Variants in TSHZ3 observed in about 807,000 individuals in gnomAD.
TSHZ3 encodes teashirt zinc finger homeobox 3.
Under a neutral mutation model 64.5 loss-of-function variants are expected in TSHZ3, and 10 were observed. That is an observed-to-expected ratio of 0.16 (90% CI 0.10 to 0.26). The LOEUF is 0.26. TSHZ3 is among the 10% of genes least tolerant of loss of function. The probability of loss-of-function intolerance (pLI) is 1.00; values close to 1 mark genes in which losing one functional copy is unlikely to be tolerated. For missense variants in TSHZ3, 1,242 were observed against 1,421.7 expected (o/e 0.87, Z 2.03); for synonymous variants, 608 against 593.1 (o/e 1.03, Z -0.36).
At chr19:31,160,873 A>G (rs915331944) in intron 5 of TSHZ3, among the ~76,000 whole-genome samples, 1 of 152,106 alleles carries the variant, frequency 6.6e-6, no homozygotes, top group African/African-American at 2.4e-5. Flanking sequence ...TGTATGTCCA[A>G]ATGAATATAT....
chr19:31,330,928 G>A (rs886744506), intron 1 of TSHZ3, among the ~76,000 whole-genome samples: 1 of 152,092 alleles, frequency 6.6e-6, no homozygotes, highest in Non-Finnish European at 1.5e-5. Flanking sequence ...CCACAGGCAC[G>A]GGCATGTCCC....
chr19:31,156,480 G>A (rs1011031537), intron 5 of TSHZ3, among the ~76,000 whole-genome samples: 2 of 152,144 alleles, frequency 1.3e-5, no homozygotes, highest in African/African-American at 4.8e-5. Context: ...GTTTTTGTCG[G>A]TCGGGAGCAG....
intron 1 of TSHZ3, among the ~76,000 whole-genome samples, chr19:31,319,894 G>A (rs12460841): frequency 0.41 from 62,351 of 150,930 alleles, 12,902 homozygotes; most frequent in East Asian, 0.48. Flanking sequence ...CCCTGAGAAA[G>A]TAGCAATCGG....
chr19:31,177,607 G>C (rs955581676), intron 5 of TSHZ3, among the ~76,000 whole-genome samples: 1 of 152,222 alleles, frequency 6.6e-6, no homozygotes, highest in Admixed American at 6.5e-5. Context: ...GAAATTCCAC[G>C]ATGAGCTCCT....
chr19:31,167,201 A>G (rs1974466655), intron 5 of TSHZ3, among the ~76,000 whole-genome samples: 5 of 152,244 alleles, frequency 3.3e-5, no homozygotes, highest in Admixed American at 3.3e-4. Flanking sequence ...GGTTCTGCTA[A>G]AGTAATTTAA....
intron 1 of TSHZ3, among the ~76,000 whole-genome samples, chr19:31,258,024 G>A (rs1162291774): frequency 6.6e-6 from 1 of 152,162 alleles, no homozygotes; most frequent in Admixed American, 6.5e-5. Context: ...CCAGTTAAGG[G>A]GGTGAGACTG....
chr19:31,314,099 C>A (rs1425855375), intron 1 of TSHZ3, among the ~76,000 whole-genome samples: 3 of 152,134 alleles, frequency 2.0e-5, no homozygotes, highest in African/African-American at 7.2e-5. Flanking sequence ...TTGGAAGATG[C>A]TTGGTGGATG....
rs775740160 is a variant in TSHZ3 at position 31,277,167 on chromosome 19, C to T, written c.2626G>A (p.Gly876Arg). ...SSISEKSDID[G>R]ATLEEAEEST... is the part of the protein sequence containing the mutation. ...TCCTCAGCCTCCTCCAGAGTGGCCC[C>T]GTCAATGTCAGACTTCTCGGAGATG... The change falls in exon 2 of 2, where the codon GGG (glycine) becomes AGG (arginine). Residue 876 changes from glycine to arginine, a missense_variant. Gly to Arg is a moderately radical substitution (Grantham distance 125). This residue lies in a region of TSHZ3 where 550 missense variants were observed against 545.1 expected (regional missense o/e 1.01). Coordinates refer to ENST00000240587, the MANE Select transcript of TSHZ3 (RefSeq NM_020856.4). This position sits in a 1 kb window ranked among gnomAD's most constrained non-coding sequence, Gnocchi z 4.5. 35 of 1,613,794 alleles carry T rather than the reference C, an allele frequency of 2.2e-5. No homozygotes were observed. The South Asian group carries it at 2.3e-4, about 11-fold the overall frequency.
At chr19:31,175,803 A>G (rs1974598879) in intron 5 of TSHZ3, among the ~76,000 whole-genome samples, 1 of 152,214 alleles carries the variant, frequency 6.6e-6, no homozygotes, top group South Asian at 2.1e-4. Flanking sequence ...GGGAGTGGTG[A>G]GCATTCTTCC....
chr19:31,331,590 G>A (rs1268385839), intron 1 of TSHZ3, among the ~76,000 whole-genome samples: 1 of 152,100 alleles, frequency 6.6e-6, no homozygotes, highest in African/African-American at 2.4e-5. Context: ...AACTCAAGAT[G>A]CATTTTCTGG....
intron 6 of TSHZ3, among the ~76,000 whole-genome samples, chr19:31,153,260 T>C (rs1974264144): frequency 6.6e-6 from 1 of 152,158 alleles, no homozygotes; most frequent in South Asian, 2.1e-4. Context: ...TAGGAAAAAA[T>C]ATAACATGGC....
chr19:31,293,932 G>A (rs1463832920), intron 1 of TSHZ3, among the ~76,000 whole-genome samples: 1 of 152,084 alleles, frequency 6.6e-6, no homozygotes, highest in East Asian at 1.9e-4. Context: ...CTTCCTCAAC[G>A]GCTCTCGAAT....
At chr19:31,164,822 C>A (rs971148157) in intron 5 of TSHZ3, among the ~76,000 whole-genome samples, 2 of 152,182 alleles carry the variant, frequency 1.3e-5, no homozygotes, top group Non-Finnish European at 2.9e-5. Context: ...CTCTCTGCAA[C>A]AGGACATCAA....
intron 1 of TSHZ3, among the ~76,000 whole-genome samples, chr19:31,293,526 C>T (rs1446328087): frequency 1.3e-5 from 2 of 152,140 alleles, no homozygotes; most frequent in Non-Finnish European, 2.9e-5. Flanking sequence ...TTCACATTCC[C>T]CTCCCTGTCC....
intron 1 of TSHZ3, among the ~76,000 whole-genome samples, chr19:31,335,092 G>C (rs764194382): frequency 6.6e-6 from 1 of 152,114 alleles, no homozygotes; most frequent in Non-Finnish European, 1.5e-5. Flanking sequence ...CCCATTGCTT[G>C]TTTTCCCATT....
intron 4 of TSHZ3, among the ~76,000 whole-genome samples, chr19:31,213,089 C>T (rs896788525): frequency 6.6e-6 from 1 of 151,948 alleles, no homozygotes; most frequent in Non-Finnish European, 1.5e-5. Context: ...GGTGCGGTGG[C>T]TCAAGACTAT....
chr19:31,194,453 C>A (rs76204239), intron 5 of TSHZ3, among the ~76,000 whole-genome samples: 3,875 of 152,300 alleles, frequency 0.025, 78 homozygotes, highest in Non-Finnish European at 0.038. Context: ...AAATACCCAA[C>A]TCCACACCAT....
exon 7 of TSHZ3, among the ~76,000 whole-genome samples, chr19:31,150,691 G>C (rs1309724247): frequency 6.6e-6 from 1 of 152,136 alleles, no homozygotes; most frequent in Non-Finnish European, 1.5e-5. Flanking sequence ...CTGCCATTGG[G>C]CCCTGCTGTT....
intron 1 of TSHZ3, among the ~76,000 whole-genome samples, chr19:31,259,485 C>T (rs920603281): frequency 4.6e-5 from 7 of 152,020 alleles, no homozygotes; most frequent in Admixed American, 3.3e-4. Flanking sequence ...AGGTAGGGTC[C>T]AGTCGAAGCA....
Sources: allele counts gnomAD v4.1 joint callset (sites outside exome capture counted in the v4.1 genomes callset), GRCh38; gene constraint gnomAD v4.1.1; regional missense constraint gnomAD v4.1.1; non-coding constraint Gnocchi (gnomAD v3.1); transcripts MANE v1.5; gene names NCBI Gene and HGNC (gene_info 2026-07-23, HGNC 2026-07-21).